PSD3: variants seen among roughly 807,000 people sequenced by gnomAD.
PSD3 encodes PH and SEC7 domain-containing protein 3.
PSD3 carries 49 observed loss-of-function variants against 105.5 expected under a neutral mutation model. That is an observed-to-expected ratio of 0.46 (90% CI 0.37 to 0.59). The LOEUF is 0.59. Ranked by LOEUF, PSD3 falls within the 20% of genes least tolerant of loss-of-function variation. PSD3 has a pLI of 0.00. For missense variants in PSD3, 1,561 were observed against 1,263.8 expected (o/e 1.24, Z -3.57); for synonymous variants, 557 against 457.8 (o/e 1.22, Z -2.77).
chr8:18,744,260 T>A (rs1378171082), intron 9 of PSD3, among the ~76,000 whole-genome samples: 1 of 152,220 alleles, frequency 6.6e-6, no homozygotes, highest in Non-Finnish European at 1.5e-5. Context: ...AGTAGGTATA[T>A]TTACTTTTCC....
intron 9 of PSD3, among the ~76,000 whole-genome samples, chr8:18,745,741 T>G (rs565311350): frequency 6.6e-6 from 1 of 152,232 alleles, no homozygotes; most frequent in African/African-American, 2.4e-5. Context: ...TATATTTACA[T>G]GCATATATAC....
intron 4 of PSD3, among the ~76,000 whole-genome samples, chr8:18,807,504 C>T (rs920727969): frequency 2.0e-5 from 3 of 152,266 alleles, no homozygotes; most frequent in African/African-American, 7.2e-5. Flanking sequence ...ATGGGAGAAG[C>T]TGGGAATACG....
chr8:18,590,616 C>T (rs1413620565), intron 12 of PSD3, among the ~76,000 whole-genome samples: 2 of 151,782 alleles, frequency 1.3e-5, no homozygotes, highest in Admixed American at 6.6e-5. Context: ...CCCATGACAC[C>T]CCTAGGAATC....
intron 4 of PSD3, among the ~76,000 whole-genome samples, chr8:18,829,363 T>G (rs1284870314): frequency 6.6e-6 from 1 of 152,174 alleles, no homozygotes; most frequent in African/African-American, 2.4e-5. Flanking sequence ...AGTTTTAAGG[T>G]TATCTAGTAA....
At chr8:18,719,034 C>T (rs536341049) in intron 9 of PSD3, among the ~76,000 whole-genome samples, 1 of 152,150 alleles carries the variant, frequency 6.6e-6, no homozygotes, top group Non-Finnish European at 1.5e-5. Context: ...TAAGTGATAA[C>T]AGAGTTATCC....
intron 9 of PSD3, among the ~76,000 whole-genome samples, chr8:18,763,874 T>G (rs1310763220): frequency 6.6e-6 from 1 of 152,140 alleles, no homozygotes; most frequent in East Asian, 1.9e-4. Context: ...ATCATTTCAC[T>G]ATCATCTTCT....
chr8:18,819,030 A>C (rs1178928374), intron 4 of PSD3, among the ~76,000 whole-genome samples: 1 of 151,204 alleles, frequency 6.6e-6, no homozygotes, highest in Admixed American at 6.6e-5. Flanking sequence ...ACCTACCTCT[A>C]GGCCACAAGG....
At chr8:18,546,411 C>T (rs1800453125) in intron 15 of PSD3, among the ~76,000 whole-genome samples, 1 of 152,150 alleles carries the variant, frequency 6.6e-6, no homozygotes. Context: ...CTTGGTAAAG[C>T]GCCTTCCAAC....
intron 4 of PSD3, among the ~76,000 whole-genome samples, chr8:18,835,492 A>G (rs1474225429): frequency 3.3e-5 from 5 of 152,216 alleles, no homozygotes; most frequent in African/African-American, 1.2e-4. Flanking sequence ...AGTGACCAAA[A>G]CAAGACAAAA....
intron 12 of PSD3, among the ~76,000 whole-genome samples, chr8:18,581,139 T>C (rs1802789126): frequency 6.6e-6 from 1 of 152,176 alleles, no homozygotes; most frequent in African/African-American, 2.4e-5. Context: ...ACGAAGTGGA[T>C]ATGAAGTTAC....
At chr8:18,767,821 T>C (rs1807149088) in intron 8 of PSD3, among the ~76,000 whole-genome samples, 1 of 152,046 alleles carries the variant, frequency 6.6e-6, no homozygotes, top group Non-Finnish European at 1.5e-5. Flanking sequence ...ACACTACTAC[T>C]ATGCATAAAT....
chr8:18,675,436 T>C (rs1488136800), intron 9 of PSD3, among the ~76,000 whole-genome samples: 2 of 152,172 alleles, frequency 1.3e-5, no homozygotes, highest in East Asian at 1.9e-4. Context: ...TCACCAGATT[T>C]GAATGTGGCA....
chr8:18,920,943 A>T (rs542954595), intron 2 of PSD3, among the ~76,000 whole-genome samples: 1 of 152,230 alleles, frequency 6.6e-6, no homozygotes, highest in Admixed American at 6.5e-5. Flanking sequence ...CATGATAGTG[A>T]CTCCAGAATC....
intron 12 of PSD3, among the ~76,000 whole-genome samples, chr8:18,591,028 C>A (rs1367809573): frequency 6.6e-6 from 1 of 152,146 alleles, no homozygotes; most frequent in African/African-American, 2.4e-5. Context: ...AGTCCCAGCT[C>A]CCATCTCCCC....
intron 8 of PSD3, among the ~76,000 whole-genome samples, chr8:18,787,273 T>G (rs544046550): frequency 2.0e-5 from 3 of 152,314 alleles, no homozygotes; most frequent in African/African-American, 7.2e-5. Context: ...TTAATAATAC[T>G]TTTTCATATT....
At chr8:18,660,537 G>C (rs1036360996) in intron 9 of PSD3, among the ~76,000 whole-genome samples, 1 of 152,112 alleles carries the variant, frequency 6.6e-6, no homozygotes, top group African/African-American at 2.4e-5. Flanking sequence ...ATAGTTCCAG[G>C]GTCAGTCCCT....
At chr8:18,742,998 G>C (rs1255580460) in intron 9 of PSD3, among the ~76,000 whole-genome samples, 1 of 152,190 alleles carries the variant, frequency 6.6e-6, no homozygotes, top group Non-Finnish European at 1.5e-5. Context: ...CAAGTCATAT[G>C]ACCTTGGACA....
At chr8:18,737,058 G>A (rs1343970418) in intron 9 of PSD3, among the ~76,000 whole-genome samples, 1 of 152,176 alleles carries the variant, frequency 6.6e-6, no homozygotes, top group Non-Finnish European at 1.5e-5. Flanking sequence ...TTGTGGTTTA[G>A]TTGTCCATTG....
chr8:18,887,850 T>A (rs1818538179), intron 2 of PSD3, among the ~76,000 whole-genome samples: 1 of 152,176 alleles, frequency 6.6e-6, no homozygotes, highest in Non-Finnish European at 1.5e-5. Flanking sequence ...TAGAAAGTAT[T>A]TACTTATGTG....
Sources: gnomAD v4.1 joint callset for allele counts (sites outside exome capture counted in the v4.1 genomes callset) on GRCh38, gnomAD v4.1.1 for gene constraint, MANE v1.5 for transcripts, NCBI Gene and HGNC (gene_info 2026-07-23, HGNC 2026-07-21) for gene names.